The following DLGAP2 variants were observed in gnomAD, a reference collection of about 807,000 sequenced individuals.
The protein encoded by DLGAP2 is DLG associated protein 2, also known as disks large-associated protein 2.
A neutral mutation model predicts 100.3 loss-of-function variants in DLGAP2; 26 were observed. The ratio of observed to expected loss-of-function variants is 0.26; its 90% CI spans 0.19 to 0.36. DLGAP2 has a LOEUF of 0.36. Among genes scored for constraint, DLGAP2 ranks in the 10% least tolerant of loss-of-function variants. DLGAP2 has a pLI of 1.00. For synonymous variants in DLGAP2, 886 were observed against 630.1 expected (o/e 1.41, Z -6.08); for missense variants, 1,858 against 1,453.2 (o/e 1.28, Z -4.53).
chr8:1,132,377 G>T (rs754077957), intron 2 of DLGAP2, among the ~76,000 whole-genome samples: 2 of 152,148 alleles, frequency 1.3e-5, no homozygotes, highest in Admixed American at 1.3e-4. Context: ...AAACCAGCTG[G>T]TAGGTACAAA....
At chr8:1,530,144 C>T (rs1011303009) in intron 4 of DLGAP2, among the ~76,000 whole-genome samples, 3 of 152,130 alleles carry the variant, frequency 2.0e-5, no homozygotes, top group African/African-American at 4.8e-5. Context: ...CAGGAATTTC[C>T]TCTTCCTAAT....
intron 2 of DLGAP2, among the ~76,000 whole-genome samples, chr8:1,102,271 A>G (rs548596395): frequency 3.0e-3 from 446 of 147,626 alleles, no homozygotes; most frequent in Non-Finnish European, 4.2e-3. Context: ...TTACATACAT[A>G]TATAATATAT....
chr8:1,154,607 CAG>C (rs1258528422), intron 2 of DLGAP2, among the ~76,000 whole-genome samples: 1 of 123,338 alleles, frequency 8.1e-6, no homozygotes, highest in Non-Finnish European at 1.8e-5. Context: ...CAAGAAAAGA[CAG>C]AAATAGATTA....
intron 2 of DLGAP2, among the ~76,000 whole-genome samples, chr8:1,151,542 C>A (rs906509385): frequency 6.6e-6 from 1 of 152,148 alleles, no homozygotes; most frequent in Non-Finnish European, 1.5e-5. Context: ...GCAGGCTTTC[C>A]GTCTCTGACG....
intron 3 of DLGAP2, among the ~76,000 whole-genome samples, chr8:1,448,518 A>G (rs1228517127): frequency 6.6e-6 from 1 of 152,052 alleles, no homozygotes; most frequent in African/African-American, 2.4e-5. Flanking sequence ...TATGTGGTCA[A>G]TTTTGGAATA....
chr8:907,751 A>C (rs867589209), intron 1 of DLGAP2, among the ~76,000 whole-genome samples, 161 bp from the exon 2 acceptor site: 50 of 152,364 alleles, frequency 3.3e-4, no homozygotes, highest in African/African-American at 1.2e-3. Flanking sequence ...GTGTGTCATC[A>C]AGATTTTTCT....
intron 2 of DLGAP2, among the ~76,000 whole-genome samples, chr8:961,932 G>A (rs1474669497): frequency 2.0e-5 from 3 of 152,162 alleles, no homozygotes; most frequent in Non-Finnish European, 2.9e-5. Context: ...TGGCAAGGCC[G>A]ATCAATATGT....
intron 1 of DLGAP2, among the ~76,000 whole-genome samples, chr8:819,901 G>A (rs531448609): frequency 6.6e-6 from 1 of 152,240 alleles, no homozygotes; most frequent in African/African-American, 2.4e-5. Context: ...TTTCCTGTTT[G>A]GATTGGTCAT....
rs374939292 is a variant in DLGAP2, at chr8:1,315,904, T to G, written c.106+57021T>G. ...GTCTACACTCGAGAAACTTGGCAGC[T>G]TTTAAAAATAGAGCGTGTGCGAGTG... On this transcript the variant is annotated intron_variant, in intron 3 of 14. Coordinates refer to ENST00000637795, the MANE Select transcript of DLGAP2 (RefSeq NM_001346810.2). 1.6e-3 allele frequency among the ~76,000 whole-genome samples: 191 copies of G among 117,964 alleles called. No individual in the cohort carries two copies. The East Asian group carries it at 0.026, about 16-fold the overall frequency. The allele number at this position is 117,964 out of a possible 152,430, so 77.4% of individuals were successfully genotyped here. A position where few individuals can be genotyped will look rare whatever the true frequency, so the allele number is the denominator to read the frequency against.
intron 3 of DLGAP2, among the ~76,000 whole-genome samples, chr8:1,428,686 C>T (rs749848186): frequency 2.6e-5 from 4 of 152,208 alleles, no homozygotes; most frequent in East Asian, 1.9e-4. Context: ...GGCTCTCAAT[C>T]ATGTAAGGTT....
chr8:1,045,976 T>G (rs1272739869), intron 2 of DLGAP2, among the ~76,000 whole-genome samples: 1 of 152,100 alleles, frequency 6.6e-6, no homozygotes. Context: ...GGGCAAGAGG[T>G]AAAGCCTTTG....
chr8:1,201,489 A>G (rs1483533610), intron 2 of DLGAP2, among the ~76,000 whole-genome samples: 7 of 152,216 alleles, frequency 4.6e-5, no homozygotes, highest in Non-Finnish European at 8.8e-5. Context: ...GAAGGAAGCC[A>G]GGTCCTGGGG....
chr8:796,244 G>A (rs1796034432), intron 1 of DLGAP2, among the ~76,000 whole-genome samples: 1 of 152,180 alleles, frequency 6.6e-6, no homozygotes. Context: ...TCACGACCGG[G>A]CTCCCCGGTG....
intron 2 of DLGAP2, among the ~76,000 whole-genome samples, chr8:1,084,382 TG>T (rs2129040196): frequency 6.6e-6 from 1 of 152,358 alleles, no homozygotes; most frequent in South Asian, 2.1e-4. Context: ...TAACATTTTT[TG>T]TGATGAGAAC....
At chr8:1,081,268 A>G (rs988166650) in intron 2 of DLGAP2, among the ~76,000 whole-genome samples, 2 of 152,272 alleles carry the variant, frequency 1.3e-5, no homozygotes, top group African/African-American at 2.4e-5. Context: ...TGCACTTAGT[A>G]AAAACTCAAT....
At chr8:793,072 C>G (rs542095590) in intron 1 of DLGAP2, among the ~76,000 whole-genome samples, 2 of 152,346 alleles carry the variant, frequency 1.3e-5, no homozygotes, top group South Asian at 4.1e-4. Context: ...CTGTATTTTA[C>G]TATCAGCCCT....
intron 3 of DLGAP2, 108 bp from the exon 4 acceptor site, chr8:1,501,258 C>T (rs949009006): frequency 2.6e-6 from 3 of 1,167,562 alleles, no homozygotes; most frequent in Non-Finnish European, 3.7e-6. Flanking sequence ...ACAAAGGTGT[C>T]TGTCATGTTT....
intron 2 of DLGAP2, among the ~76,000 whole-genome samples, chr8:1,095,564 G>T (rs190531979): frequency 6.6e-6 from 1 of 152,164 alleles, no homozygotes; most frequent in Non-Finnish European, 1.5e-5. Context: ...AGTGTCCACC[G>T]TCAACACTGT....
chr8:970,709 T>G (rs1799991562), intron 2 of DLGAP2, among the ~76,000 whole-genome samples: 1 of 152,188 alleles, frequency 6.6e-6, no homozygotes, highest in African/African-American at 2.4e-5. Flanking sequence ...AACAAATGGC[T>G]CTTAAAATTT....
Sources: gnomAD v4.1 joint callset for allele counts (sites outside exome capture counted in the v4.1 genomes callset) on GRCh38, gnomAD v4.1.1 for gene constraint, MANE v1.5 for transcripts, NCBI Gene and HGNC (gene_info 2026-07-23, HGNC 2026-07-21) for gene names.